The following MED12L variants were observed in gnomAD, a reference collection of about 807,000 sequenced individuals.
MED12L encodes mediator of RNA polymerase II transcription subunit 12-like protein.
A neutral mutation model predicts 281.3 loss-of-function variants in MED12L; 60 were observed. The observed-to-expected ratio is 0.21, with a 90% confidence interval of 0.17 to 0.26. The LOEUF is 0.26. MED12L is among the 10% of genes least tolerant of loss of function. The probability of loss-of-function intolerance (pLI) is 1.00; values close to 1 mark genes in which losing one functional copy is unlikely to be tolerated. For missense variants in MED12L, 2,146 were observed against 2,680.9 expected (o/e 0.80, Z 4.41); for synonymous variants, 974 against 987.2 (o/e 0.99, Z 0.25).
rs779087284 is a variant in MED12L at position 151,163,996 on chromosome 3, C to T, written c.1211C>T (p.Pro404Leu). 3 of 1,613,726 alleles carry T rather than the reference C, an allele frequency of 1.9e-6. No individual in the cohort carries two copies. Among genetic ancestry groups the T allele is most frequent in the Admixed American group, 1.7e-5 (1 of 59,940 alleles). Residue 404 changes from proline (P) to leucine (L), a missense_variant, in exon 9 of 45, where the codon CCG becomes CTG. By Grantham distance (98) the Pro-to-Leu change is moderately conservative (BLOSUM62 -3). This residue lies in a region of MED12L where 722 missense variants were observed against 861.2 expected (regional missense o/e 0.84). Transcript: ENST00000687756. ...GSPLDLLQVA[P>L]SSLPMPGGNT... The stretch of plus-strand genomic sequence containing the variant: ...CCCCTGGATCTGCTGCAGGTGGCCC[C>T]GTCCAGCCTCCCCATGCCGGGTGGG...
At chr3:151,228,324 C>G (rs1408327401) in intron 16 of MED12L, among the ~76,000 whole-genome samples, 4 of 152,116 alleles carry the variant, frequency 2.6e-5, no homozygotes, top group Admixed American at 2.0e-4. Flanking sequence ...GCTACCTCAG[C>G]TACATCTAGG....
intron 3 of MED12L, among the ~76,000 whole-genome samples, chr3:151,118,495 A>AT (rs1392576841): frequency 1.3e-5 from 2 of 152,210 alleles, no homozygotes; most frequent in Admixed American, 6.5e-5. Context: ...AACCGCAATT[A>AT]TGTATATGTA....
chr3:151,178,804 T>A (rs551304597), intron 11 of MED12L, among the ~76,000 whole-genome samples: 34 of 152,336 alleles, frequency 2.2e-4, no homozygotes, highest in Middle Eastern at 3.4e-3. Flanking sequence ...ACATGTTAAT[T>A]ATCTTTATTA....
At chr3:151,118,050 C>T (rs771453503) in intron 3 of MED12L, among the ~76,000 whole-genome samples, 1 of 147,278 alleles carries the variant, frequency 6.8e-6, no homozygotes, top group Non-Finnish European at 1.5e-5. Context: ...GAGATTGCGC[C>T]GCTGCACTCC....
chr3:151,353,659 G>A (rs1346968215), intron 17 of MED12L, among the ~76,000 whole-genome samples: 1 of 152,166 alleles, frequency 6.6e-6, no homozygotes, highest in Non-Finnish European at 1.5e-5. Flanking sequence ...TTATTTTCAT[G>A]TTATTGTTTA....
intron 16 of MED12L, among the ~76,000 whole-genome samples, chr3:151,252,088 G>A (rs1479885893): frequency 1.3e-5 from 2 of 152,024 alleles, no homozygotes; most frequent in Non-Finnish European, 2.9e-5. Context: ...CCTTTCCTAT[G>A]GGAGGTTATT....
chr3:151,283,761 T>G (rs547183260), intron 16 of MED12L, among the ~76,000 whole-genome samples: 18 of 152,230 alleles, frequency 1.2e-4, no homozygotes, highest in Admixed American at 3.3e-4. Context: ...GTTCTGCAAG[T>G]AAAGATAAAT....
Position 151,151,409 on chromosome 3 carries a change from C to A in MED12L, c.557-4752C>A, listed in dbSNP as rs538892700. Among the ~76,000 whole-genome samples the A allele has an allele frequency of 2.6e-5, 4 of 152,076 alleles. No individual in the cohort carries two copies. The South Asian group carries it at 8.3e-4, about 32-fold the overall frequency. ...CAGGTTGGCTGTTTGGCATAAGAGA[C>A]CTTGCTTCTGGCCTGTCTTGGCTTT... On this transcript the variant is annotated intron_variant, in intron 5 of 44. Coordinates refer to ENST00000687756, the MANE Select transcript of MED12L (RefSeq NM_001393769.1).
chr3:151,408,274 G>A (rs1716559012), intron 39 of MED12L, among the ~76,000 whole-genome samples: 1 of 152,120 alleles, frequency 6.6e-6, no homozygotes, highest in South Asian at 2.1e-4. Context: ...AAATATGATC[G>A]ATTCTTAATA....
intron 2 of MED12L, among the ~76,000 whole-genome samples, chr3:151,105,845 G>A (rs1721949213): frequency 6.6e-6 from 1 of 152,060 alleles, no homozygotes; most frequent in Admixed American, 6.5e-5. Flanking sequence ...TCAAACTTAC[G>A]ACGTTTATAC....
At chr3:151,235,760 G>A (rs904063359) in intron 16 of MED12L, among the ~76,000 whole-genome samples, 2 of 152,004 alleles carry the variant, frequency 1.3e-5, no homozygotes, top group Non-Finnish European at 2.9e-5. Context: ...CCTTGGAGCT[G>A]GCTTCTGCCT....
intron 11 of MED12L, among the ~76,000 whole-genome samples, chr3:151,176,501 A>G (rs1403420913): frequency 6.6e-6 from 1 of 152,154 alleles, no homozygotes. Context: ...TATGCATAAT[A>G]TTCTACAGGA....
intron 5 of MED12L, among the ~76,000 whole-genome samples, chr3:151,133,415 T>C (rs775289746): frequency 6.6e-6 from 1 of 152,186 alleles, no homozygotes; most frequent in African/African-American, 2.4e-5. Context: ...CCCAGTACAC[T>C]GTATACACAA....
At chr3:151,135,050 T>C (rs181429515) in intron 5 of MED12L, among the ~76,000 whole-genome samples, 42 of 152,314 alleles carry the variant, frequency 2.8e-4, no homozygotes, top group African/African-American at 9.9e-4. Context: ...TTATTTGAGA[T>C]GGAGTCTCCT....
In MED12L at chr3:151,365,886, G is replaced by A. The variant is rs767049617; in HGVS notation, c.3222G>A (p.Thr1074=). ...NDIANFSSEL[T]ACCTVLSSEW... ...TAGCCAATTTCTCCTCTGAGCTTAC[G>A]GCTTGCTGCACTGTTCTTAGTTCAG... The change falls in exon 23 of 45, where the codon ACG becomes ACA. Residue 1074 remains threonine (T), a synonymous_variant. Transcript: ENST00000687756. The A allele has an allele frequency of 1.4e-5, 23 of 1,611,996 alleles. No individual in the cohort carries two copies. In the Admixed American group the frequency reaches 1.8e-4, roughly 13 times the overall value.
At chr3:151,088,420 C>T (rs1217000564) in intron 2 of MED12L, among the ~76,000 whole-genome samples, 1 of 152,140 alleles carries the variant, frequency 6.6e-6, no homozygotes, top group East Asian at 1.9e-4. Context: ...AGCTGAGGAT[C>T]AAGTGTACAG....
chr3:151,110,185 T>G (rs1033575394), intron 2 of MED12L, among the ~76,000 whole-genome samples: 2 of 152,218 alleles, frequency 1.3e-5, no homozygotes, highest in African/African-American at 4.8e-5. Context: ...AGGCATGCTG[T>G]TCCAAAATTT....
At chr3:151,349,292 G>A (rs1354974150) in intron 16 of MED12L, among the ~76,000 whole-genome samples, 1 of 152,228 alleles carries the variant, frequency 6.6e-6, no homozygotes, top group African/African-American at 2.4e-5. Context: ...CTATGGGGTG[G>A]TGGTGGAGAG....
intron 39 of MED12L, among the ~76,000 whole-genome samples, chr3:151,399,342 AT>A (rs755120194): frequency 8.5e-5 from 13 of 152,374 alleles, no homozygotes; most frequent in Non-Finnish European, 1.3e-4. Context: ...TTCATTTCCC[AT>A]AACAATATTA....
Sources: allele counts gnomAD v4.1 joint callset (sites outside exome capture counted in the v4.1 genomes callset), GRCh38; gene constraint gnomAD v4.1.1; regional missense constraint gnomAD v4.1.1; transcripts MANE v1.5; gene names NCBI Gene and HGNC (gene_info 2026-07-23, HGNC 2026-07-21).